ZC3H4: variants seen among roughly 807,000 people sequenced by gnomAD.
ZC3H4 encodes the protein zinc finger CCCH domain-containing protein 4.
In ZC3H4, 13 loss-of-function variants were observed where a neutral mutation model predicts 108.3. The ratio of observed to expected loss-of-function variants is 0.12; its 90% CI spans 0.08 to 0.19. ZC3H4 has a LOEUF of 0.19. Ranked by LOEUF, ZC3H4 falls within the 10% of genes least tolerant of loss-of-function variation. ZC3H4 has a pLI of 1.00. For missense variants in ZC3H4, 1,734 were observed against 1,838.8 expected (o/e 0.94, Z 1.04); for synonymous variants, 917 against 749.6 (o/e 1.22, Z -3.65).
rs779011132 is a variant in ZC3H4, at chr19:47,086,548, G to A, written c.716-10C>T. 1 of 1,570,994 alleles carries A rather than the reference G, an allele frequency of 6.4e-7. No individual in the cohort carries two copies. Among genetic ancestry groups the A allele is most frequent in the South Asian group, 1.1e-5 (1 of 87,618 alleles). On this transcript the variant is annotated splice_polypyrimidine_tract_variant and intron_variant, in intron 5 of 14. Transcript: ENST00000253048. ...CCCCGGCCTCGGCTGCCTGCATGGA[G>A]ATTCAGATAGTGAGCCTCCAGCAGG...
At chr19:47,070,431 C>G (rs1310718070) in intron 13 of ZC3H4, among the ~76,000 whole-genome samples, 1 of 152,158 alleles carries the variant, frequency 6.6e-6, no homozygotes, top group African/African-American at 2.4e-5. Flanking sequence ...CACCAGAAAC[C>G]AATGACCATA....
At chr19:47,099,454 C>T (rs559804561) in intron 2 of ZC3H4, among the ~76,000 whole-genome samples, 6 of 149,602 alleles carry the variant, frequency 4.0e-5, no homozygotes, top group East Asian at 1.9e-4. Context: ...AGTGAAACTC[C>T]GTCTCAAAAA....
chr19:47,066,423 T>C lies in ZC3H4; in HGVS notation c.3845A>G (p.Gln1282Arg). The C allele has an allele frequency of 6.4e-7, 1 of 1,571,204 alleles. No homozygotes were observed. The highest frequency in any genetic ancestry group is 8.6e-7 in the Non-Finnish European group (1 of 1,161,082). Residue 1282 changes from glutamine to arginine, a missense_variant, in exon 15 of 15, where the codon CAG becomes CGG. Transcript: ENST00000253048. ...AACATCCTTCAGGGATGCCGCATCC[T>C]GCTCACCCTCGCGGGCCGGACTGTT... The part of the protein sequence containing the change: ...AGNSPAREGE[Q>R]DAASLKDVFK...
intron 10 of ZC3H4, among the ~76,000 whole-genome samples, chr19:47,081,844 G>A (rs978892939): frequency 1.3e-5 from 2 of 152,154 alleles, no homozygotes; most frequent in Admixed American, 6.5e-5. Context: ...TACACTGGCT[G>A]GGGGCTGCGT....
At chr19:47,085,914 A>AG (rs1265149531) in intron 6 of ZC3H4, among the ~76,000 whole-genome samples, 1 of 151,986 alleles carries the variant, frequency 6.6e-6, no homozygotes, top group Non-Finnish European at 1.5e-5. Flanking sequence ...CCTAGGCTGG[A>AG]GTGCAGTGGT....
chr19:47,090,898 G>C (rs1020431354), intron 4 of ZC3H4, among the ~76,000 whole-genome samples: 3 of 152,238 alleles, frequency 2.0e-5, no homozygotes, highest in Admixed American at 1.3e-4. Flanking sequence ...GGCAGGGAAG[G>C]GGGCAGGCAG....
At position 47,093,290 on chromosome 19, in the gene ZC3H4, A is replaced by G. The variant is rs891262225; in HGVS notation, c.492+680T>C. ...TTTCTGGGGGAAGAAATGGTATACA[A>G]ACTGAACAAATAATTTAAATTGCTG... is the stretch of plus-strand genomic sequence containing the variant. On this transcript the variant is annotated intron_variant, in intron 4 of 14. Coordinates refer to ENST00000253048, the MANE Select transcript of ZC3H4 (RefSeq NM_015168.2). Among the ~76,000 whole-genome samples the G allele has an allele frequency of 3.3e-5, 5 of 152,228 alleles. 1 individual carries two copies. The highest frequency in any genetic ancestry group is 1.2e-4 in the African/African-American group (5 of 41,538).
chr19:47,076,974 C>T (rs2057432800), intron 11 of ZC3H4, among the ~76,000 whole-genome samples: 1 of 151,952 alleles, frequency 6.6e-6, no homozygotes, highest in South Asian at 2.1e-4. Flanking sequence ...GCCTGGGTGA[C>T]AGAGCAAGAC....
chr19:47,086,807 G>A (rs2057636926), intron 5 of ZC3H4, among the ~76,000 whole-genome samples: 1 of 152,152 alleles, frequency 6.6e-6, no homozygotes, highest in Non-Finnish European at 1.5e-5. Context: ...ACTTAGAACT[G>A]CACTGTCCAA....
intron 2 of ZC3H4, among the ~76,000 whole-genome samples, chr19:47,107,767 C>T (rs553463329): frequency 6.7e-6 from 1 of 150,002 alleles, no homozygotes; most frequent in South Asian, 2.1e-4. Context: ...GGGTGATGTG[C>T]CAGAAATCTA....
chr19:47,086,068 C>T (rs938648612), intron 6 of ZC3H4, among the ~76,000 whole-genome samples: 14 of 152,018 alleles, frequency 9.2e-5, no homozygotes, highest in Non-Finnish European at 1.5e-4. Context: ...AGGGTTTCAC[C>T]GTGTTAGCCA....
At chr19:47,089,911 G>A in intron 5 of ZC3H4, 56 bp downstream of exon 5, 1 of 1,587,620 alleles carries the variant, frequency 6.3e-7, no homozygotes, top group South Asian at 1.1e-5. Flanking sequence ...AGGCCACCGG[G>A]GTTGGCCCGG....
intron 11 of ZC3H4, among the ~76,000 whole-genome samples, chr19:47,073,360 A>G (rs1319751445): frequency 1.3e-5 from 2 of 152,292 alleles, no homozygotes; most frequent in African/African-American, 4.8e-5. Flanking sequence ...ACCTGAGGTC[A>G]GGAGTTTGAG....
In ZC3H4 at chr19:47,067,482, T is replaced by C; in HGVS notation, c.2786A>G (p.Glu929Gly). Reference protein sequence around the residue: ...GPPPTEEEEGERALREKAVNI... With the variant: ...GPPPTEEEEGGRALREKAVNI... ...CACGGCCTTCTCCCGCAGGGCCCGCTCCCCTTCCTCCTCCTCCGTTGGGGG... is the reference window on the plus strand; with the variant it reads ...CACGGCCTTCTCCCGCAGGGCCCGCCCCCCTTCCTCCTCCTCCGTTGGGGG... Residue 929 changes from glutamate (E) to glycine (G), a missense_variant, in exon 15 of 15, where the codon GAG (glutamate) becomes GGG (glycine). Physicochemically the swap from Glu to Gly is moderately conservative, Grantham distance 98 (BLOSUM62 -2). Transcript: ENST00000253048. The surrounding 1 kb of genome is among the most constrained non-coding windows in gnomAD (Gnocchi z 6.4). 1 of 1,581,318 alleles carries C rather than the reference T, an allele frequency of 6.3e-7. No individual in the cohort carries two copies. The highest frequency in any genetic ancestry group is 8.6e-7 in the Non-Finnish European group (1 of 1,162,168).
intron 3 of ZC3H4, 47 bp downstream of exon 3, chr19:47,094,342 C>A (rs754957654): frequency 6.2e-7 from 1 of 1,604,958 alleles, no homozygotes; most frequent in Non-Finnish European, 8.5e-7. Context: ...GGCTCTCAGC[C>A]AGGCCCAATG....
At chr19:47,106,607 A>AT (rs2057971268) in intron 2 of ZC3H4, among the ~76,000 whole-genome samples, 1 of 152,200 alleles carries the variant, frequency 6.6e-6, no homozygotes, top group South Asian at 2.1e-4. Context: ...TTCCAAGTGC[A>AT]TATTAGTAAG....
chr19:47,067,928 T>C lies in ZC3H4; in HGVS notation c.2399-59A>G. 1 of 1,494,774 alleles carries C rather than the reference T, an allele frequency of 6.7e-7. No homozygotes were observed. Among genetic ancestry groups the C allele is most frequent in the East Asian group, 2.5e-5 (1 of 40,816 alleles). 92.6% of individuals were successfully genotyped at this position (1,494,774 alleles called of 1,614,324 possible). A position where few individuals can be genotyped will look rare whatever the true frequency, so the allele number is the denominator to read the frequency against. On this transcript the variant is annotated intron_variant, in intron 14 of 14. Coordinates refer to ENST00000253048, the MANE Select transcript of ZC3H4 (RefSeq NM_015168.2). The surrounding 1 kb of genome is among the most constrained non-coding windows in gnomAD (Gnocchi z 6.4). Reference sequence around the variant, plus strand: ...TGGGCGCATCCACCACCCGCCCTCTTGGATCCCACAGCAGCCCACCGTGAG... The same window carrying C: ...TGGGCGCATCCACCACCCGCCCTCTCGGATCCCACAGCAGCCCACCGTGAG...
Position 47,085,531 on chromosome 19 carries a change from A to G in ZC3H4, c.871-117T>C, listed in dbSNP as rs193273960. On this transcript the variant is annotated intron_variant, in intron 6 of 14. Transcript: ENST00000253048. Reference sequence around the variant, plus strand: ...TGACCATCCAGGGGACTCATACCATAACCCGTTTCCACACAGCCTGACGAC... The same window carrying G: ...TGACCATCCAGGGGACTCATACCATGACCCGTTTCCACACAGCCTGACGAC... 14 of 914,306 alleles carry G rather than the reference A, an allele frequency of 1.5e-5. No homozygotes were observed. The African/African-American group carries it at 2.3e-4, about 15-fold the overall frequency. The allele number at this position is 914,306 out of a possible 1,614,324, so 56.6% of individuals were successfully genotyped here. A position where few individuals can be genotyped will look rare whatever the true frequency, so the allele number is the denominator to read the frequency against.
Position 47,067,940 on chromosome 19 carries a change from C to G in ZC3H4, c.2399-71G>C. ...CCACCCGCCCTCTTGGATCCCACAG[C>G]AGCCCACCGTGAGCAGCTCCTTTGC... On this transcript the variant is annotated intron_variant, in intron 14 of 14. Coordinates refer to ENST00000253048, the MANE Select transcript of ZC3H4 (RefSeq NM_015168.2). This position sits in a 1 kb window ranked among gnomAD's most constrained non-coding sequence, Gnocchi z 6.4. 1 of 1,428,380 alleles carries G rather than the reference C, an allele frequency of 7.0e-7. No homozygotes were observed. Among genetic ancestry groups the G allele is most frequent in the Non-Finnish European group, 9.5e-7 (1 of 1,051,876 alleles). 88.5% of individuals were successfully genotyped at this position (1,428,380 alleles called of 1,614,324 possible).
Sources: allele counts gnomAD v4.1 joint callset (sites outside exome capture counted in the v4.1 genomes callset), GRCh38; gene constraint gnomAD v4.1.1; non-coding constraint Gnocchi (gnomAD v3.1); transcripts MANE v1.5; gene names NCBI Gene and HGNC (gene_info 2026-07-23, HGNC 2026-07-21).